The following IQSEC2 variants were observed in gnomAD, a reference collection of about 807,000 sequenced individuals.
The protein encoded by IQSEC2 is IQ motif and Sec7 domain ArfGEF 2, also known as IQ motif and SEC7 domain-containing protein 2.
In IQSEC2, 6 loss-of-function variants were observed where a neutral mutation model predicts 74.6. The ratio of observed to expected loss-of-function variants is 0.08; its 90% CI spans 0.04 to 0.16. The LOEUF is 0.16. Among genes scored for constraint, IQSEC2 ranks in the 10% least tolerant of loss-of-function variants. The pLI is 1.00. For missense variants in IQSEC2, 734 were observed against 1,306.2 expected, an observed-to-expected ratio of 0.56 and a Z score of 6.75; for synonymous variants, 494 against 544.5, an observed-to-expected ratio of 0.91 and a Z score of 1.29.
chrX:53,282,880 CTG>C (rs1340288158), intron 2 of IQSEC2, among the ~76,000 whole-genome samples: 2 of 111,116 alleles, frequency 1.8e-5, no homozygotes, highest in African/African-American at 6.5e-5. Flanking sequence ...CCCTCTTGAC[CTG>C]GCAGGAGCCG....
intron 2 of IQSEC2, among the ~76,000 whole-genome samples, chrX:53,287,959 C>G (rs1413882694): frequency 8.9e-6 from 1 of 112,328 alleles, no homozygotes; most frequent in Non-Finnish European, 1.9e-5. Context: ...CACAAACTGG[C>G]TGTCTACACC....
chrX:53,280,466 C>T (rs782744158), intron 2 of IQSEC2, among the ~76,000 whole-genome samples: 14 of 109,611 alleles, frequency 1.3e-4, no homozygotes, highest in Non-Finnish European at 2.5e-4. Flanking sequence ...AGGCAGAGAG[C>T]GCCAGAGCAG....
chrX:53,244,746 TAA>T (rs1338264690), intron 8 of IQSEC2, among the ~76,000 whole-genome samples: 34 of 111,396 alleles, frequency 3.1e-4, no homozygotes, highest in African/African-American at 1.1e-3. Context: ...CTGAACTATA[TAA>T]AAAGTTACAT....
intron 7 of IQSEC2, 70 bp downstream of exon 7, chrX:53,248,044 C>T: frequency 8.6e-7 from 1 of 1,160,841 alleles, no homozygotes; most frequent in Admixed American, 2.2e-5. Flanking sequence ...AGAGAAGTGA[C>T]TTATAAACAC....
chrX:53,270,707 C>T (rs782355072), intron 2 of IQSEC2, among the ~76,000 whole-genome samples: 18 of 112,410 alleles, frequency 1.6e-4, no homozygotes, highest in Non-Finnish European at 2.8e-4. Context: ...ACCCCTAGTG[C>T]CTAACACAGT....
intron 1 of IQSEC2, among the ~76,000 whole-genome samples, chrX:53,306,625 C>G (rs1413066483): frequency 9.0e-6 from 1 of 111,558 alleles, no homozygotes; most frequent in Non-Finnish European, 1.9e-5. Context: ...GTAGCTTTCG[C>G]CTTAGTTTCC....
rs781838022 is a variant in IQSEC2, at chrX:53,279,551, G to A, written c.737+12344C>T. 5.7e-5 allele frequency: 63 copies of A among 1,098,746 alleles called. No individual in the cohort carries two copies. The Middle Eastern group carries it at 9.7e-4, about 17-fold the overall frequency. The allele number at this position is 1,098,746 out of a possible 1,213,427, so 90.5% of individuals were successfully genotyped here. A position where few individuals can be genotyped will look rare whatever the true frequency, so the allele number is the denominator to read the frequency against. On this transcript the variant is annotated intron_variant, in intron 2 of 14. Coordinates refer to ENST00000642864, the MANE Select transcript of IQSEC2 (RefSeq NM_001111125.3). ...GGAGGAGGAATTGGGGGAGGGATGGGTCTAGCTCTTACCTGCTCTCTGCCA... is the reference window on the plus strand; with the variant it reads ...GGAGGAGGAATTGGGGGAGGGATGGATCTAGCTCTTACCTGCTCTCTGCCA...
chrX:53,315,732 A>G (rs782485061), intron 1 of IQSEC2, among the ~76,000 whole-genome samples: 3 of 112,510 alleles, frequency 2.7e-5, no homozygotes, highest in South Asian at 3.7e-4. Flanking sequence ...ATTATTACAT[A>G]AAGTCACATA....
chrX:53,249,036 G>A (rs781913406), intron 5 of IQSEC2, among the ~76,000 whole-genome samples, 154 bp from the exon 6 acceptor site: 13 of 111,932 alleles, frequency 1.2e-4, no homozygotes, highest in Non-Finnish European at 2.3e-4. Context: ...CATGGCACAA[G>A]TGAGAAAACT....
chrX:53,297,762 C>T (rs1161337201), intron 1 of IQSEC2, among the ~76,000 whole-genome samples: 8 of 111,737 alleles, frequency 7.2e-5, no homozygotes, highest in African/African-American at 2.6e-4. Context: ...TCTTTGTTTC[C>T]CTTAAAAACA....
At position 53,280,279 on chromosome X, in the gene IQSEC2, AAGG is replaced by A. The variant is rs781991242; in HGVS notation, c.737+11613_737+11615del. ...ACAGGAAGGGAGGAAGGGATGGAGGAAGGAGAAGCTCTGGGCCCAAAGAAGGGG... is the reference window on the plus strand; with the variant it reads ...ACAGGAAGGGAGGAAGGGATGGAGGAAGAAGCTCTGGGCCCAAAGAAGGGG... On this transcript the variant is annotated intron_variant, in intron 2 of 14. Transcript: ENST00000642864. 9.9e-4 allele frequency among the ~76,000 whole-genome samples: 109 copies of A among 110,312 alleles called. 2 individuals carry two copies. The South Asian group carries it at 0.043, about 44-fold the overall frequency.
chrX:53,313,439 A>G (rs2075339593), intron 1 of IQSEC2, among the ~76,000 whole-genome samples: 1 of 112,262 alleles, frequency 8.9e-6, no homozygotes, highest in Admixed American at 9.4e-5. Context: ...GCACTGGGGA[A>G]TGGGCTTCCC....
At chrX:53,304,090 G>A (rs1263248909) in intron 1 of IQSEC2, among the ~76,000 whole-genome samples, 2 of 107,753 alleles carry the variant, frequency 1.9e-5, no homozygotes, top group African/African-American at 6.8e-5. Context: ...AGCCGAGATT[G>A]CACCACTGCA....
intron 7 of IQSEC2, 114 bp downstream of exon 7, chrX:53,248,000 A>T: frequency 1.1e-6 from 1 of 923,523 alleles, no homozygotes; most frequent in African/African-American, 1.9e-5. Flanking sequence ...AGGATTTATC[A>T]TCTCTGTTTT....
At chrX:53,277,381 A>AT (rs781954001) in intron 2 of IQSEC2, among the ~76,000 whole-genome samples, 3 of 107,244 alleles carry the variant, frequency 2.8e-5, no homozygotes, top group African/African-American at 1.0e-4. Context: ...CTGGCTAATT[A>AT]TTTTTTATTT....
chrX:53,244,707 A>G (rs782019054), intron 8 of IQSEC2, among the ~76,000 whole-genome samples: 1 of 111,588 alleles, frequency 9.0e-6, no homozygotes, highest in South Asian at 3.7e-4. Flanking sequence ...ATGGGAAAAG[A>G]GTAAGATAAA....
At chrX:53,235,729 A>G in intron 14 of IQSEC2, 54 bp downstream of exon 14, 1 of 1,142,355 alleles carries the variant, frequency 8.8e-7, no homozygotes, top group Non-Finnish European at 1.2e-6. Flanking sequence ...CTGGGTCTCC[A>G]TGGCCGGGGC....
chrX:53,317,344 C>T (rs2075387700), intron 1 of IQSEC2, among the ~76,000 whole-genome samples: 1 of 111,802 alleles, frequency 8.9e-6, no homozygotes, highest in African/African-American at 3.3e-5. Context: ...TACTGGCATC[C>T]TGGAACCTGT....
chrX:53,247,242 C>A (rs2074320762), intron 7 of IQSEC2, 107 bp from the exon 8 acceptor site: 4 of 784,555 alleles, frequency 5.1e-6, no homozygotes, highest in South Asian at 2.3e-5. Context: ...GAAATACTTT[C>A]TTGATCTCTG....
Sources: gnomAD v4.1 joint callset for allele counts (sites outside exome capture counted in the v4.1 genomes callset) on GRCh38, gnomAD v4.1.1 for gene constraint, MANE v1.5 for transcripts, NCBI Gene and HGNC (gene_info 2026-07-23, HGNC 2026-07-21) for gene names.